The following ENTPD1 variants were observed in gnomAD, a reference collection of about 807,000 sequenced individuals.
The protein encoded by ENTPD1 is ATP diphosphohydrolase.
ENTPD1 carries 33 observed loss-of-function variants against 57.0 expected under a neutral mutation model. The observed-to-expected ratio is 0.58, with a 90% CI of 0.44 to 0.77. The LOEUF (loss-of-function observed/expected upper bound fraction) is 0.77. Among genes scored for constraint, ENTPD1 ranks in the 30% least tolerant of loss-of-function variants. The probability of loss-of-function intolerance (pLI) is 0.00; values close to 1 mark genes in which losing one functional copy is unlikely to be tolerated. For missense variants in ENTPD1, 501 were observed against 603.4 expected (o/e 0.83, Z 1.78); for synonymous variants, 202 against 218.8 (o/e 0.92, Z 0.68).
In ENTPD1 at chr10:95,873,299, G is replaced by T; in HGVS notation, c.*6916G>T. The T allele has an allele frequency of 1.0e-6, 1 of 985,402 alleles. No homozygotes were observed. The highest frequency in any genetic ancestry group is 1.2e-6 in the Non-Finnish European group (1 of 829,944). The allele number at this position is 985,402 out of a possible 1,614,324, so 61.0% of individuals were successfully genotyped here. On this transcript the variant is annotated 3_prime_UTR_variant, in exon 10 of 10. Transcript: ENST00000371205. Reference sequence around the variant, plus strand: ...GTTCCACAGCAGGCCAGCTAACGTGGTATTTACAAAGCTCACTCCTCTTAT... The same window carrying T: ...GTTCCACAGCAGGCCAGCTAACGTGTTATTTACAAAGCTCACTCCTCTTAT...
chr10:95,842,318 T>C (rs2098424345), intron 3 of ENTPD1, 26 bp from the exon 4 acceptor site: 1 of 1,598,896 alleles, frequency 6.3e-7, no homozygotes, highest in South Asian at 1.1e-5. Context: ...TTTTAAAAGA[T>C]TGTTATCTTC....
intron 9 of ENTPD1, 79 bp downstream of exon 9, chr10:95,864,940 G>T (rs569274737): frequency 6.6e-6 from 10 of 1,522,780 alleles, no homozygotes; most frequent in Non-Finnish European, 9.0e-6. Context: ...CTTGAAAAAG[G>T]GGGGAGTCAG....
At chr10:95,765,217 C>G (rs556470616) in intron 1 of ENTPD1, among the ~76,000 whole-genome samples, 1 of 152,206 alleles carries the variant, frequency 6.6e-6, no homozygotes, top group East Asian at 1.9e-4. Flanking sequence ...TCTATAGTTT[C>G]TTTGGTTCTT....
chr10:95,752,638 C>T (rs1174707125), upstream of ENTPD1, among the ~76,000 whole-genome samples: 1 of 152,100 alleles, frequency 6.6e-6, no homozygotes, highest in South Asian at 2.1e-4. Context: ...GCACTCCAGC[C>T]TGGGCAATAA....
At chr10:95,762,727 A>T (rs1259408207) in intron 1 of ENTPD1, among the ~76,000 whole-genome samples, 1 of 152,164 alleles carries the variant, frequency 6.6e-6, no homozygotes, top group East Asian at 1.9e-4. Context: ...GACTTACTAG[A>T]TTGAAACTTG....
chr10:95,868,270 C>G lies in ENTPD1; in HGVS notation c.*1887C>G. On this transcript the variant is annotated 3_prime_UTR_variant, in exon 10 of 10. Transcript: ENST00000371205. ...ATACCAGGCTGTCTCCTCATAACTT[C>G]CAAGCATGCACTTAAAACTCCACAT... 2 of 985,438 alleles carry G rather than the reference C, an allele frequency of 2.0e-6. No individual in the cohort carries two copies. The highest frequency in any genetic ancestry group is 2.4e-6 in the Non-Finnish European group (2 of 829,940). 61.0% of individuals were successfully genotyped at this position (985,438 alleles called of 1,614,324 possible).
At position 95,874,759 on chromosome 10, in the gene ENTPD1, T is replaced by C. The variant is rs2098484116; in HGVS notation, c.*8376T>C. ...CTGGACATCCAGGTGTTTCCATATATATTCTGAAATCTAGGCAGAGGTTCC... is the reference window on the plus strand; with the variant it reads ...CTGGACATCCAGGTGTTTCCATATACATTCTGAAATCTAGGCAGAGGTTCC... On this transcript the variant is annotated 3_prime_UTR_variant, in exon 10 of 10. Transcript: ENST00000371205. Among the ~76,000 whole-genome samples the C allele has an allele frequency of 6.6e-6, 1 of 152,332 alleles. No individual in the cohort carries two copies. Among genetic ancestry groups the C allele is most frequent in the Middle Eastern group, 3.4e-3 (1 of 294 alleles).
At chr10:95,839,009 A>C (rs965001674) in intron 2 of ENTPD1, among the ~76,000 whole-genome samples, 4 of 152,164 alleles carry the variant, frequency 2.6e-5, no homozygotes, top group Non-Finnish European at 5.9e-5. Flanking sequence ...TATTAAATAC[A>C]ATTTTACAGT....
the ENTPD1 span, among the ~76,000 whole-genome samples, chr10:95,694,295 A>T: frequency 6.6e-6 from 1 of 151,694 alleles, no homozygotes; most frequent in Non-Finnish European, 1.5e-5. Flanking sequence ...AGAATTGCAA[A>T]TTTTTTTTCA....
chr10:95,716,200 G>A (rs1173432779), intron 1 of ENTPD1, among the ~76,000 whole-genome samples: 2 of 152,166 alleles, frequency 1.3e-5, no homozygotes, highest in Non-Finnish European at 2.9e-5. Context: ...TCATTTTTCA[G>A]TGGTTACTCT....
chr10:95,695,754 G>A, the ENTPD1 span, among the ~76,000 whole-genome samples: 64 of 152,120 alleles, frequency 4.2e-4, no homozygotes, highest in Admixed American at 4.1e-3. Context: ...AGTTTTGTCT[G>A]TTTTGTTCAT....
chr10:95,733,421 T>C (rs1019573104), intron 1 of ENTPD1, among the ~76,000 whole-genome samples: 1 of 152,112 alleles, frequency 6.6e-6, no homozygotes, highest in Admixed American at 6.5e-5. Context: ...GGATCCTGAG[T>C]GGACATACAT....
At chr10:95,796,088 G>C (rs747811517) in intron 1 of ENTPD1, among the ~76,000 whole-genome samples, 4 of 152,168 alleles carry the variant, frequency 2.6e-5, no homozygotes, top group Non-Finnish European at 5.9e-5. Context: ...GTTTGAAGTA[G>C]TCAAATATAT....
chr10:95,736,121 C>T (rs184371301), intron 1 of ENTPD1, among the ~76,000 whole-genome samples: 1 of 151,952 alleles, frequency 6.6e-6, no homozygotes, highest in African/African-American at 2.4e-5. Flanking sequence ...CTGCCTCAGC[C>T]TCCAGAGTAG....
At chr10:95,808,059 A>T (rs75731046) in intron 1 of ENTPD1, among the ~76,000 whole-genome samples, 1 of 152,320 alleles carries the variant, frequency 6.6e-6, no homozygotes, top group East Asian at 1.9e-4. Flanking sequence ...TGGGTTTGTC[A>T]TAGATGGCTC....
chr10:95,867,774 G>A lies in ENTPD1; in HGVS notation c.*1391G>A, dbSNP rs1253730564. 4.1e-6 allele frequency: 4 copies of A among 985,234 alleles called. No individual in the cohort carries two copies. The East Asian group carries it at 3.4e-4, about 84-fold the overall frequency. The allele number at this position is 985,234 out of a possible 1,614,324, so 61.0% of individuals were successfully genotyped here. A position where few individuals can be genotyped will look rare whatever the true frequency, so the allele number is the denominator to read the frequency against. On this transcript the variant is annotated 3_prime_UTR_variant, in exon 10 of 10. Transcript: ENST00000371205. Reference sequence around the variant, plus strand: ...CCAAGCTCTCCATCTCTAGATCTGGGGACTGACTGTTGAGCTGATGGGGAA... The same window carrying A: ...CCAAGCTCTCCATCTCTAGATCTGGAGACTGACTGTTGAGCTGATGGGGAA...
chr10:95,785,279 A>C (rs959643236), intron 1 of ENTPD1: 2 of 152,200 alleles, frequency 1.3e-5, no homozygotes, highest in East Asian at 3.8e-4. Flanking sequence ...GTGTTCAAGC[A>C]TTCAGATAAA....
Position 95,875,149 on chromosome 10 carries a change from T to A in ENTPD1, c.*8766T>A, listed in dbSNP as rs1361587903. ...AGCTTGAATTTCTCCTTAAAAAAAA[T>A]GGGTTTTTCTTTTCTACTGCATCAT... On this transcript the variant is annotated 3_prime_UTR_variant, in exon 10 of 10. Transcript: ENST00000371205. The A allele has an allele frequency of 6.6e-6, 1 of 152,192 alleles. No individual in the cohort carries two copies. Among genetic ancestry groups the A allele is most frequent in the East Asian group, 1.9e-4 (1 of 5,204 alleles). The allele number at this position is 152,192 out of a possible 1,614,324, so 9.4% of individuals were successfully genotyped here.
intron 2 of ENTPD1, among the ~76,000 whole-genome samples, chr10:95,833,246 C>T (rs1165644580): frequency 6.6e-6 from 1 of 152,086 alleles, no homozygotes; most frequent in Non-Finnish European, 1.5e-5. Flanking sequence ...CACAAAACTG[C>T]ACTTAAAAAT....
Sources: allele counts gnomAD v4.1 joint callset (sites outside exome capture counted in the v4.1 genomes callset), GRCh38; gene constraint gnomAD v4.1.1; transcripts MANE v1.5; gene names NCBI Gene and HGNC (gene_info 2026-07-23, HGNC 2026-07-21).